FABP12: variants seen among roughly 807,000 people sequenced by gnomAD.
FABP12 encodes the protein fatty acid binding protein 12.
Under a neutral mutation model 13.7 loss-of-function variants are expected in FABP12, and 19 were observed. That is an observed-to-expected ratio of 1.39 (90% CI 0.97 to 2.04). FABP12 has a LOEUF of 2.04. Among genes scored for constraint, FABP12 ranks in the 30% most tolerant of loss-of-function variants. The probability of loss-of-function intolerance (pLI) is 0.00; values close to 1 mark genes in which losing one functional copy is unlikely to be tolerated. For missense variants in FABP12, 182 were observed against 164.2 expected, an observed-to-expected ratio of 1.11 and a Z score of -0.59; for synonymous variants, 61 against 57.0, an observed-to-expected ratio of 1.07 and a Z score of -0.32.
chr8:81,554,984 C>T (rs567058216), intron 1 of FABP12, among the ~76,000 whole-genome samples: 152 of 152,048 alleles, frequency 1.0e-3, no homozygotes, highest in African/African-American at 3.6e-3. Context: ...CACTAGCATT[C>T]GAGATGGAAT....
upstream of FABP12, among the ~76,000 whole-genome samples, chr8:81,536,564 C>T (rs1201172049): frequency 6.6e-6 from 1 of 152,170 alleles, no homozygotes; most frequent in Non-Finnish European, 1.5e-5. Flanking sequence ...CACTTGAGTG[C>T]CTACTAAAGG....
intron 1 of FABP12, among the ~76,000 whole-genome samples, chr8:81,568,453 G>C (rs920818453): frequency 3.9e-5 from 6 of 152,142 alleles, no homozygotes; most frequent in African/African-American, 1.4e-4. Flanking sequence ...GTTAAAAATG[G>C]ATTTTATCCA....
chr8:81,529,348 G>T, intron 3 of FABP12, 90 bp downstream of exon 3: 1 of 1,279,626 alleles, frequency 7.8e-7, no homozygotes, highest in Non-Finnish European at 1.1e-6. Context: ...AAGGACTTTA[G>T]ATATGTTTGC....
chr8:81,528,925 G>T (rs1350931689), intron 3 of FABP12, among the ~76,000 whole-genome samples: 2 of 151,976 alleles, frequency 1.3e-5, no homozygotes, highest in African/African-American at 4.8e-5. Context: ...CAGATTTCCT[G>T]TTTACTCCAC....
chr8:81,557,465 A>T (rs187627408), intron 1 of FABP12, among the ~76,000 whole-genome samples: 153 of 152,206 alleles, frequency 1.0e-3, no homozygotes, highest in African/African-American at 3.6e-3. Context: ...ATCATTTTCC[A>T]CTGAATGTGG....
rs1397030804 is a variant in FABP12, at chr8:81,531,227, A to G, written c.73+16T>C. 6.9e-6 allele frequency: 11 copies of G among 1,589,940 alleles called. No individual in the cohort carries two copies. Among genetic ancestry groups the G allele is most frequent in the South Asian group, 6.8e-5 (6 of 88,268 alleles). ...CCATTTTTACTGGATATGATATGCA[A>G]GTAAACATAGCTCACCCAGCTCCTT... On this transcript the variant is annotated intron_variant, in intron 2 of 4. Coordinates refer to ENST00000360464, the Ensembl canonical transcript of FABP12.
intron 1 of FABP12, among the ~76,000 whole-genome samples, chr8:81,577,562 C>T (rs909714475): frequency 2.0e-5 from 3 of 152,098 alleles, no homozygotes; most frequent in African/African-American, 7.2e-5. Context: ...AGGTCAAGAT[C>T]AGCCTGGTCA....
chr8:81,541,165 C>CA (rs35883271), intron 1 of FABP12, among the ~76,000 whole-genome samples: 22,617 of 91,094 alleles, frequency 0.25, 2,041 homozygotes, highest in East Asian at 0.31. Flanking sequence ...GACTCTGTCT[C>CA]AAAAAAAAAA....
chr8:81,558,381 G>A (rs1809657342), intron 1 of FABP12, among the ~76,000 whole-genome samples: 1 of 152,146 alleles, frequency 6.6e-6, no homozygotes, highest in Non-Finnish European at 1.5e-5. Context: ...GTCTAGGAAA[G>A]GTAACAGTAG....
At chr8:81,550,817 G>T (rs1809512573) in intron 1 of FABP12, among the ~76,000 whole-genome samples, 1 of 152,104 alleles carries the variant, frequency 6.6e-6, no homozygotes, top group Admixed American at 6.6e-5. Flanking sequence ...TCATGCAGTA[G>T]CTCAGTTAAC....
chr8:81,589,652 C>T (rs1351230384), intron 1 of FABP12, among the ~76,000 whole-genome samples: 1 of 152,202 alleles, frequency 6.6e-6, no homozygotes, highest in Non-Finnish European at 1.5e-5. Flanking sequence ...TTTCTTTAGA[C>T]AGCACCAAAA....
chr8:81,529,316 G>A, intron 3 of FABP12, 122 bp downstream of exon 3: 1 of 974,576 alleles, frequency 1.0e-6, no homozygotes, highest in Non-Finnish European at 1.6e-6. Context: ...TTAGACCTAT[G>A]TTTTAGACAA....
rs186231901 is a variant in FABP12 at position 81,553,827 on chromosome 8, A to C, written c.-184-14084T>G. Among the ~76,000 whole-genome samples the C allele has an allele frequency of 1.6e-3, 240 of 152,270 alleles. 2 individuals are homozygous for C. The highest frequency in any genetic ancestry group is 5.6e-3 in the African/African-American group (233 of 41,546). ...GCAGTGCTCAAATGTAGAGAAGGGG[A>C]AAAGGAGCGCTGGGGCTGATGTTCT... On this transcript the variant is annotated intron_variant, in intron 1 of 5. Transcript: ENST00000692030.
At chr8:81,567,154 G>T (rs893215427) in intron 1 of FABP12, among the ~76,000 whole-genome samples, 1 of 152,040 alleles carries the variant, frequency 6.6e-6, no homozygotes, top group Admixed American at 6.5e-5. Flanking sequence ...AATTGAAGAG[G>T]ACACAAAAAA....
chr8:81,531,215 A>T (rs375667729), intron 2 of FABP12, 28 bp downstream of exon 2: 6 of 1,531,164 alleles, frequency 3.9e-6, no homozygotes, highest in African/African-American at 1.4e-5. Flanking sequence ...TTTTTACTGG[A>T]TATGATATGC....
intron 1 of FABP12, among the ~76,000 whole-genome samples, chr8:81,564,208 T>C (rs1193571692): frequency 2.0e-5 from 3 of 151,600 alleles, no homozygotes; most frequent in Non-Finnish European, 1.5e-5. Context: ...TGAAGAGAAA[T>C]AAAGACTTTG....
intron 1 of FABP12, among the ~76,000 whole-genome samples, chr8:81,551,492 G>A (rs1270625332): frequency 1.3e-5 from 2 of 152,124 alleles, no homozygotes; most frequent in African/African-American, 2.4e-5. Flanking sequence ...CATTTCAGAG[G>A]TGAAATACTC....
chr8:81,571,461 G>T (rs1365665352), intron 1 of FABP12, among the ~76,000 whole-genome samples: 8 of 152,220 alleles, frequency 5.3e-5, no homozygotes, highest in Admixed American at 3.9e-4. Context: ...TGCTGCTACT[G>T]CTGCTCCCTC....
rs148449183 is a variant in FABP12, at chr8:81,585,110, C to T, written c.-185+4943G>A. 9.2e-5 allele frequency among the ~76,000 whole-genome samples: 14 copies of T among 152,168 alleles called. No homozygotes were observed. The East Asian group carries it at 1.9e-3, about 21-fold the overall frequency. ...TGATGTTATACCATTTGTCAGTTTTCGGTTTTGTTTCCTGTGTTTTTAAGG... is the reference window on the plus strand; with the variant it reads ...TGATGTTATACCATTTGTCAGTTTTTGGTTTTGTTTCCTGTGTTTTTAAGG... On this transcript the variant is annotated intron_variant, in intron 1 of 5. Coordinates refer to the FABP12 transcript ENST00000692030.
Sources: gnomAD v4.1 joint callset for allele counts (sites outside exome capture counted in the v4.1 genomes callset) on GRCh38, gnomAD v4.1.1 for gene constraint, MANE v1.5 for transcripts, NCBI Gene and HGNC (gene_info 2026-07-23, HGNC 2026-07-21) for gene names.